DAB1: variants seen among roughly 807,000 people sequenced by gnomAD.
The protein encoded by DAB1 is disabled homolog 1.
A neutral mutation model predicts 64.6 loss-of-function variants in DAB1; 15 were observed. That is an observed-to-expected ratio of 0.23 (90% CI 0.16 to 0.36). The LOEUF (loss-of-function observed/expected upper bound fraction) is 0.36. DAB1 is among the 10% of genes least tolerant of loss of function. DAB1 has a pLI of 1.00. For synonymous variants in DAB1, 235 were observed against 251.9 expected (o/e 0.93, Z 0.64); for missense variants, 596 against 706.7 (o/e 0.84, Z 1.78).
At chr1:57,361,650 T>G (rs1361204104) in intron 1 of DAB1, among the ~76,000 whole-genome samples, 1 of 152,108 alleles carries the variant, frequency 6.6e-6, no homozygotes, top group Non-Finnish European at 1.5e-5. Context: ...AGAAACTGTA[T>G]ACATATGTCA....
chr1:57,658,396 C>T (rs1463968005), intron 6 of DAB1, among the ~76,000 whole-genome samples: 3 of 151,406 alleles, frequency 2.0e-5, no homozygotes, highest in African/African-American at 4.9e-5. Flanking sequence ...CTCCGCCTCC[C>T]GGGTTCACGC....
intron 2 of DAB1, among the ~76,000 whole-genome samples, chr1:57,191,168 T>C (rs182966594): frequency 6.6e-6 from 1 of 152,292 alleles, no homozygotes; most frequent in African/African-American, 2.4e-5. Flanking sequence ...AGAGAGGAAC[T>C]TGCAAATAGG....
chr1:57,013,614 A>G (rs1646331809), intron 12 of DAB1, among the ~76,000 whole-genome samples: 1 of 152,156 alleles, frequency 6.6e-6, no homozygotes, highest in African/African-American at 2.4e-5. Flanking sequence ...TTGTATTAAC[A>G]TTAGGGGTGT....
chr1:58,177,673 A>G (rs992432833), intron 4 of DAB1, among the ~76,000 whole-genome samples: 1 of 152,086 alleles, frequency 6.6e-6, no homozygotes, highest in African/African-American at 2.4e-5. Flanking sequence ...TTTAAGCCCC[A>G]CAACAACTCT....
chr1:58,319,561 A>G (rs1339325414), intron 4 of DAB1, among the ~76,000 whole-genome samples: 1 of 152,232 alleles, frequency 6.6e-6, no homozygotes, highest in East Asian at 1.9e-4. Flanking sequence ...CTCTGTCTGC[A>G]GAATGACTTC....
intron 3 of DAB1, among the ~76,000 whole-genome samples, chr1:58,488,805 A>T (rs527259535): frequency 6.6e-6 from 1 of 152,244 alleles, no homozygotes; most frequent in African/African-American, 2.4e-5. Flanking sequence ...TGAGCCCCCA[A>T]AGTCCACTGT....
intron 1 of DAB1, among the ~76,000 whole-genome samples, chr1:58,528,034 G>A (rs1307801277): frequency 1.3e-5 from 2 of 152,298 alleles, no homozygotes; most frequent in African/African-American, 4.8e-5. Flanking sequence ...TATTAATTGG[G>A]GAAGCAATCT....
At chr1:57,794,787 T>A (rs1200131007) in intron 6 of DAB1, among the ~76,000 whole-genome samples, 1 of 152,190 alleles carries the variant, frequency 6.6e-6, no homozygotes, top group East Asian at 1.9e-4. Flanking sequence ...TTCAAAAATA[T>A]TTGTTGCTTT....
chr1:57,038,601 GTCC>G (rs565817350), intron 9 of DAB1, among the ~76,000 whole-genome samples: 78 of 152,232 alleles, frequency 5.1e-4, no homozygotes, highest in African/African-American at 1.8e-3. Context: ...GCAGCTAATA[GTCC>G]TCCTTCTTCC....
At chr1:58,527,405 AT>A (rs1000900970) in intron 1 of DAB1, 2 of 791,222 alleles carry the variant, frequency 2.5e-6, no homozygotes, top group African/African-American at 1.7e-5. Flanking sequence ...ACACAGAGAG[AT>A]TTTTAAAAAA....
At position 57,023,464 on chromosome 1, in the gene DAB1, T is replaced by C. The variant is rs3738558; in HGVS notation, c.895+67A>G. ...TTTATCATCATTCGGTGGCTGGCTCTGTAAACTCTTTCTCTCTCTTAATGA... is the reference window on the plus strand; with the variant it reads ...TTTATCATCATTCGGTGGCTGGCTCCGTAAACTCTTTCTCTCTCTTAATGA... On this transcript the variant is annotated intron_variant, in intron 11 of 14. Transcript: ENST00000371236. The C allele has an allele frequency of 0.12, 111,455 of 914,824 alleles. 10,628 individuals carry two copies. Among genetic ancestry groups the C allele is most frequent in the East Asian group, 0.38 (14,679 of 38,746 alleles). 56.7% of individuals were successfully genotyped at this position (914,824 alleles called of 1,614,324 possible).
chr1:57,150,634 G>A (rs1462444468), intron 2 of DAB1, among the ~76,000 whole-genome samples: 2 of 152,192 alleles, frequency 1.3e-5, no homozygotes, highest in African/African-American at 4.8e-5. Context: ...TTCCTAAGGG[G>A]TGGAGAAACT....
At chr1:58,185,844 GC>G (rs1349760858) in intron 4 of DAB1, among the ~76,000 whole-genome samples, 2 of 152,132 alleles carry the variant, frequency 1.3e-5, no homozygotes, top group Non-Finnish European at 2.9e-5. Flanking sequence ...ATGACCTTGG[GC>G]AAGTCATTGA....
chr1:57,081,500 C>A (rs1203287780), intron 4 of DAB1, among the ~76,000 whole-genome samples: 1 of 152,154 alleles, frequency 6.6e-6, no homozygotes, highest in Non-Finnish European at 1.5e-5. Flanking sequence ...GAGTTTCAAG[C>A]TTTATGATGT....
rs534334557 is a variant in DAB1 at position 57,785,507 on chromosome 1, T to C, written n.551+98492A>G. 4.6e-5 allele frequency among the ~76,000 whole-genome samples: 7 copies of C among 152,218 alleles called. No individual in the cohort carries two copies. In the South Asian group the frequency reaches 1.5e-3, roughly 32 times the overall value. On this transcript the variant is annotated intron_variant and non_coding_transcript_variant, in intron 6 of 20. Transcript: ENST00000485760. ...AGGGAGGAAGTCAAAATATCAACAT[T>C]AATAGGAGTTTGGAAGAAGTTGATT...
At chr1:57,695,217 C>T (rs7553058) in intron 6 of DAB1, among the ~76,000 whole-genome samples, 2,092 of 147,168 alleles carry the variant, frequency 0.014, 86 homozygotes, top group African/African-American at 0.051. Flanking sequence ...GAGCAAGACC[C>T]TGTTTCTCTA....
chr1:57,772,507 GAT>G (rs1251682405), intron 6 of DAB1, among the ~76,000 whole-genome samples: 3 of 152,106 alleles, frequency 2.0e-5, no homozygotes, highest in Admixed American at 1.3e-4. Flanking sequence ...TCTATGTAAA[GAT>G]ATATGTTTTT....
At chr1:57,703,537 CAG>C (rs1260425733) in intron 6 of DAB1, among the ~76,000 whole-genome samples, 1 of 152,012 alleles carries the variant, frequency 6.6e-6, no homozygotes, top group Non-Finnish European at 1.5e-5. Context: ...AAAAATAAAA[CAG>C]ATGCTGGGAA....
chr1:57,286,878 T>A (rs1672359575), intron 2 of DAB1, among the ~76,000 whole-genome samples: 1 of 152,104 alleles, frequency 6.6e-6, no homozygotes, highest in South Asian at 2.1e-4. Context: ...TACAACCAAG[T>A]AAGATTTACC....
Sources: gnomAD v4.1 joint callset for allele counts (sites outside exome capture counted in the v4.1 genomes callset) on GRCh38, gnomAD v4.1.1 for gene constraint, MANE v1.5 for transcripts, NCBI Gene and HGNC (gene_info 2026-07-23, HGNC 2026-07-21) for gene names.